The following ZMAT4 variants were observed in gnomAD, a reference collection of about 807,000 sequenced individuals.
The protein encoded by ZMAT4 is zinc finger matrin-type protein 4.
Under a neutral mutation model 28.7 loss-of-function variants are expected in ZMAT4, and 17 were observed. That is an observed-to-expected ratio of 0.59 (90% confidence interval 0.41 to 0.89). The LOEUF (loss-of-function observed/expected upper bound fraction) is 0.89. Among genes scored for constraint, ZMAT4 ranks in the 40% least tolerant of loss-of-function variants. The probability of loss-of-function intolerance (pLI) is 0.00; values close to 1 mark genes in which losing one functional copy is unlikely to be tolerated. For synonymous variants in ZMAT4, 117 were observed against 109.2 expected (o/e 1.07, Z -0.44); for missense variants, 240 against 283.8 (o/e 0.85, Z 1.11).
chr8:40,562,202 C>G (rs1433929755), intron 6 of ZMAT4, among the ~76,000 whole-genome samples: 1 of 152,158 alleles, frequency 6.6e-6, no homozygotes, highest in African/African-American at 2.4e-5. Flanking sequence ...GGCAAAACAC[C>G]ATTCCATCAA....
At chr8:40,642,587 G>C (rs922743684) in intron 5 of ZMAT4, among the ~76,000 whole-genome samples, 1 of 152,102 alleles carries the variant, frequency 6.6e-6, no homozygotes, top group Non-Finnish European at 1.5e-5. Flanking sequence ...CTAATACACA[G>C]GTATGTTCTT....
At chr8:40,854,011 G>A (rs150302000) in intron 1 of ZMAT4, among the ~76,000 whole-genome samples, 1 of 152,284 alleles carries the variant, frequency 6.6e-6, no homozygotes, top group African/African-American at 2.4e-5. Flanking sequence ...AGGTGAAGGG[G>A]GAGCAGTGAG....
intron 1 of ZMAT4, among the ~76,000 whole-genome samples, chr8:40,830,025 T>A (rs532947125): frequency 5.3e-5 from 8 of 152,154 alleles, no homozygotes; most frequent in African/African-American, 1.4e-4. Context: ...GGTCCCGAAA[T>A]GTTTCTTAAG....
intron 1 of ZMAT4, among the ~76,000 whole-genome samples, chr8:40,826,904 A>T (rs1043972653): frequency 1.2e-4 from 18 of 152,170 alleles, no homozygotes; most frequent in African/African-American, 4.1e-4. Flanking sequence ...TCCTTCACCC[A>T]GCCCACAAAC....
intron 1 of ZMAT4, among the ~76,000 whole-genome samples, chr8:40,877,081 T>C (rs1292873329): frequency 2.0e-5 from 3 of 152,184 alleles, no homozygotes; most frequent in African/African-American, 7.2e-5. Flanking sequence ...CTAAAATGAC[T>C]CATGTTCTTA....
At chr8:40,805,990 T>TTGTA (rs79609775) in intron 2 of ZMAT4, among the ~76,000 whole-genome samples, 5 of 151,956 alleles carry the variant, frequency 3.3e-5, no homozygotes, top group Non-Finnish European at 7.4e-5. Context: ...CTGATGAACC[T>TTGTA]TGTCTGAGAA....
chr8:40,736,535 T>C (rs1811768838), intron 3 of ZMAT4, among the ~76,000 whole-genome samples: 1 of 152,108 alleles, frequency 6.6e-6, no homozygotes, highest in African/African-American at 2.4e-5. Context: ...AGGTACAAAA[T>C]GAAGAGGCAT....
At chr8:40,720,674 C>A (rs1811046707) in intron 3 of ZMAT4, among the ~76,000 whole-genome samples, 1 of 151,804 alleles carries the variant, frequency 6.6e-6, no homozygotes, top group South Asian at 2.1e-4. Context: ...ATTACAGGTA[C>A]CCACACCATG....
At chr8:40,630,106 T>G (rs1406982748) in intron 5 of ZMAT4, among the ~76,000 whole-genome samples, 1 of 152,232 alleles carries the variant, frequency 6.6e-6, no homozygotes, top group East Asian at 1.9e-4. Flanking sequence ...TGCTAGTTCC[T>G]CTACCTGAAA....
At chr8:40,649,713 A>G (rs1213706508) in intron 5 of ZMAT4, among the ~76,000 whole-genome samples, 1 of 152,132 alleles carries the variant, frequency 6.6e-6, no homozygotes, top group South Asian at 2.1e-4. Context: ...AACAGAAATT[A>G]TAACAAACTA....
intron 4 of ZMAT4, among the ~76,000 whole-genome samples, chr8:40,679,868 G>A (rs992428815): frequency 6.6e-6 from 1 of 152,152 alleles, no homozygotes; most frequent in Non-Finnish European, 1.5e-5. Flanking sequence ...GCCTTTTGAT[G>A]AATAAATGAA....
At chr8:40,549,170 A>G (rs1585670662) in intron 6 of ZMAT4, among the ~76,000 whole-genome samples, 1 of 152,110 alleles carries the variant, frequency 6.6e-6, no homozygotes, top group Non-Finnish European at 1.5e-5. Flanking sequence ...ATGGGCCCTC[A>G]CCAGACACTG....
At chr8:40,885,340 T>C (rs540665658) in intron 1 of ZMAT4, among the ~76,000 whole-genome samples, 27 of 151,952 alleles carry the variant, frequency 1.8e-4, no homozygotes, top group Non-Finnish European at 3.2e-4. Flanking sequence ...AGCTCTCCCT[T>C]CAAAGTACAT....
At chr8:40,873,214 C>T (rs1003158632) in intron 1 of ZMAT4, among the ~76,000 whole-genome samples, 10 of 152,226 alleles carry the variant, frequency 6.6e-5, no homozygotes, top group African/African-American at 1.9e-4. Context: ...TCCTTGGATG[C>T]ACTGCCACAT....
At chr8:40,625,023 T>A (rs1454715489) in intron 5 of ZMAT4, among the ~76,000 whole-genome samples, 1 of 152,164 alleles carries the variant, frequency 6.6e-6, no homozygotes, top group African/African-American at 2.4e-5. Context: ...GTGCTCCTTA[T>A]CCAGAGTGTT....
At chr8:40,691,792 A>C (rs1809676635) in intron 4 of ZMAT4, among the ~76,000 whole-genome samples, 2 of 152,142 alleles carry the variant, frequency 1.3e-5, no homozygotes, top group South Asian at 4.1e-4. Context: ...ACCTTTAACA[A>C]ATTGAGGGCT....
intron 6 of ZMAT4, among the ~76,000 whole-genome samples, chr8:40,570,678 C>T (rs1804068787): frequency 6.6e-6 from 1 of 151,990 alleles, no homozygotes; most frequent in African/African-American, 2.4e-5. Context: ...CTAGCCTGGG[C>T]AACAGAGAGC....
rs537218322 is a variant in ZMAT4 at position 40,822,205 on chromosome 8, G to A, written c.102+3370C>T. On this transcript the variant is annotated intron_variant, in intron 2 of 6. Coordinates refer to ENST00000297737, the MANE Select transcript of ZMAT4 (RefSeq NM_024645.3). The stretch of plus-strand genomic sequence containing the variant: ...GGTATTTTTGCCACACTGAACTATC[G>A]GTGACTTTTTCTCTCGATGAAGTTT... Among the ~76,000 whole-genome samples, 3 of 152,250 alleles carry A rather than the reference G, an allele frequency of 2.0e-5. No individual in the cohort carries two copies. In the South Asian group the frequency reaches 6.2e-4, roughly 32 times the overall value.
rs140911080 is a variant in ZMAT4 at position 40,612,521 on chromosome 8, CTCTTA to C, written c.578-31265_578-31261del. On this transcript the variant is annotated intron_variant, in intron 5 of 6. Coordinates refer to ENST00000297737, the MANE Select transcript of ZMAT4 (RefSeq NM_024645.3). ...TGTGCTTTGTTTGCTTTTCTTCTTG[CTCTTA>C]TCTTGTCACTGATTTTTTCCACTCA... 3.6e-4 allele frequency among the ~76,000 whole-genome samples: 49 copies of C among 137,778 alleles called. 7 individuals carry two copies. The highest frequency in any genetic ancestry group is 1.2e-3 in the African/African-American group (48 of 40,306). 90.4% of individuals were successfully genotyped at this position (137,778 alleles called of 152,430 possible).
Sources: allele counts gnomAD v4.1 joint callset (sites outside exome capture counted in the v4.1 genomes callset), GRCh38; gene constraint gnomAD v4.1.1; transcripts MANE v1.5; gene names NCBI Gene and HGNC (gene_info 2026-07-23, HGNC 2026-07-21).